ELMO1: variants seen among roughly 807,000 people sequenced by gnomAD.
ELMO1 encodes the protein engulfment and cell motility 1.
A neutral mutation model predicts 98.9 loss-of-function variants in ELMO1; 26 were observed. That is an observed-to-expected ratio of 0.26 (90% CI 0.19 to 0.36). The LOEUF is 0.36. ELMO1 is among the 10% of genes least tolerant of loss of function. The probability of loss-of-function intolerance (pLI) is 1.00; values close to 1 mark genes in which losing one functional copy is unlikely to be tolerated. For missense variants in ELMO1, 627 were observed against 935.2 expected (o/e 0.67, Z 4.30); for synonymous variants, 346 against 346.0 (o/e 1.00, Z 0.00).
chr7:37,334,736 G>C (rs1334484229), intron 2 of ELMO1, among the ~76,000 whole-genome samples: 1 of 152,142 alleles, frequency 6.6e-6, no homozygotes, highest in African/African-American at 2.4e-5. Flanking sequence ...TTTACTCAAT[G>C]AGCTTTTCAA....
chr7:37,036,178 C>T lies in ELMO1; in HGVS notation c.1301-22743G>A, dbSNP rs574006799. Among the ~76,000 whole-genome samples the T allele has an allele frequency of 7.2e-5, 11 of 151,764 alleles. No individual in the cohort carries two copies. The East Asian group carries it at 1.6e-3, about 21-fold the overall frequency. On this transcript the variant is annotated intron_variant, in intron 15 of 21. Coordinates refer to ENST00000310758, the MANE Select transcript of ELMO1 (RefSeq NM_014800.11). ...GTTTGTTGGAGTATTTTCAAATTGT[C>T]GCAAATCTCTAAAAAATTTTCCAAC... is the stretch of plus-strand genomic sequence containing the variant.
rs1434235867 is a variant in ELMO1 at position 36,861,647 on chromosome 7, C to T, written c.1983+12G>A. The T allele has an allele frequency of 8.1e-6, 13 of 1,612,374 alleles. No homozygotes were observed. The highest frequency in any genetic ancestry group is 1.0e-5 in the Non-Finnish European group (12 of 1,178,962). The stretch of plus-strand genomic sequence containing the variant: ...ACATTATCTCATAAATTATCACCCC[C>T]GAGACCCTTACCTCATGCTTGTCAG... On this transcript the variant is annotated intron_variant, in intron 21 of 21. Transcript: ENST00000310758.
chr7:36,897,289 TGA>T (rs1806087821), intron 16 of ELMO1, among the ~76,000 whole-genome samples: 1 of 122,502 alleles, frequency 8.2e-6, no homozygotes, highest in East Asian at 2.4e-4. Flanking sequence ...GGGAAGATAA[TGA>T]GACCAATGTC....
chr7:37,307,676 A>G (rs533589079), intron 4 of ELMO1, among the ~76,000 whole-genome samples: 2 of 152,376 alleles, frequency 1.3e-5, no homozygotes, highest in Non-Finnish European at 2.9e-5. Flanking sequence ...GTGTATCATT[A>G]CTACCCTCAG....
intron 14 of ELMO1, among the ~76,000 whole-genome samples, chr7:37,113,745 A>T (rs1170819336): frequency 6.6e-6 from 1 of 152,210 alleles, no homozygotes; most frequent in Non-Finnish European, 1.5e-5. Context: ...AAATCAAATG[A>T]GGCCATTAGG....
chr7:37,123,690 C>T (rs1390958272), intron 14 of ELMO1, among the ~76,000 whole-genome samples: 1 of 152,160 alleles, frequency 6.6e-6, no homozygotes, highest in Non-Finnish European at 1.5e-5. Context: ...AGATTCACAG[C>T]TGAATTCTAC....
At chr7:37,323,770 C>G (rs1404494988) in intron 2 of ELMO1, among the ~76,000 whole-genome samples, 2 of 152,176 alleles carry the variant, frequency 1.3e-5, no homozygotes, top group East Asian at 3.8e-4. Context: ...TAATACAATG[C>G]TGGTACCACT....
intron 14 of ELMO1, among the ~76,000 whole-genome samples, chr7:37,113,190 A>G (rs1785355896): frequency 6.6e-6 from 1 of 152,246 alleles, no homozygotes; most frequent in Non-Finnish European, 1.5e-5. Flanking sequence ...GAATCCTGCC[A>G]AAAGGTGGAA....
At chr7:37,111,615 A>G (rs1266188273) in intron 14 of ELMO1, among the ~76,000 whole-genome samples, 1 of 152,222 alleles carries the variant, frequency 6.6e-6, no homozygotes, top group South Asian at 2.1e-4. Flanking sequence ...GCAACTTACT[A>G]TCTATTGTAG....
chr7:37,415,478 T>C (rs1032894482), intron 1 of ELMO1, among the ~76,000 whole-genome samples: 14 of 152,216 alleles, frequency 9.2e-5, no homozygotes, highest in African/African-American at 3.1e-4. Flanking sequence ...TTGTGTCGAC[T>C]TGGCAAGTTT....
At chr7:37,349,029 C>T (rs886612949) in intron 1 of ELMO1, among the ~76,000 whole-genome samples, 17 of 152,252 alleles carry the variant, frequency 1.1e-4, no homozygotes, top group African/African-American at 3.9e-4. Context: ...GTTGGGGAAA[C>T]GAACACACTT....
intron 6 of ELMO1, among the ~76,000 whole-genome samples, chr7:37,257,389 G>A (rs563595308): frequency 2.0e-5 from 3 of 152,052 alleles, no homozygotes; most frequent in African/African-American, 7.2e-5. Context: ...AGGAGTTTGA[G>A]ACTGGCCTGG....
intron 8 of ELMO1, among the ~76,000 whole-genome samples, chr7:37,226,023 C>G (rs1793855665): frequency 6.6e-6 from 1 of 152,148 alleles, no homozygotes; most frequent in South Asian, 2.1e-4. Flanking sequence ...GCCTCATCTC[C>G]TCTCCATCTT....
intron 1 of ELMO1, chr7:37,419,615 T>C (rs1804384046): frequency 7.7e-6 from 1 of 129,042 alleles, no homozygotes. Context: ...TGCAGAAAAC[T>C]ATAAAGATGA....
At chr7:37,294,961 C>T (rs2724005) in intron 4 of ELMO1, among the ~76,000 whole-genome samples, 63,786 of 150,808 alleles carry the variant, frequency 0.42, 14,059 homozygotes, top group Middle Eastern at 0.64. Flanking sequence ...AATCCGCCAT[C>T]GCACTCCAGC....
chr7:37,400,810 T>A (rs1358274642), intron 1 of ELMO1, among the ~76,000 whole-genome samples: 2 of 152,208 alleles, frequency 1.3e-5, no homozygotes, highest in African/African-American at 2.4e-5. Flanking sequence ...AAACTGCTTT[T>A]TAAATGGCAA....
chr7:36,911,407 T>A (rs747155602), intron 16 of ELMO1, among the ~76,000 whole-genome samples: 1 of 152,182 alleles, frequency 6.6e-6, no homozygotes, highest in Non-Finnish European at 1.5e-5. Flanking sequence ...TGGGGCCATA[T>A]TGAAACCTTT....
At chr7:37,071,425 G>A (rs1030400231) in intron 15 of ELMO1, among the ~76,000 whole-genome samples, 2 of 152,020 alleles carry the variant, frequency 1.3e-5, no homozygotes, top group Admixed American at 6.6e-5. Flanking sequence ...CTGGCCTCAC[G>A]CTCTCAAAAA....
intron 1 of ELMO1, among the ~76,000 whole-genome samples, chr7:37,356,226 A>C (rs1251102494): frequency 6.6e-6 from 1 of 152,182 alleles, no homozygotes; most frequent in Non-Finnish European, 1.5e-5. Flanking sequence ...GGTTGGTACC[A>C]AGTCTTTGTT....
Sources: allele counts gnomAD v4.1 joint callset (sites outside exome capture counted in the v4.1 genomes callset), GRCh38; gene constraint gnomAD v4.1.1; transcripts MANE v1.5; gene names NCBI Gene and HGNC (gene_info 2026-07-23, HGNC 2026-07-21).